Variants in MAMDC2 observed in about 807,000 individuals in gnomAD.
MAMDC2 encodes MAM domain-containing protein 2.
Under a neutral mutation model 89.8 loss-of-function variants are expected in MAMDC2, and 57 were observed. That is an observed-to-expected ratio of 0.63 (90% CI 0.51 to 0.79). The LOEUF is 0.79. Among genes scored for constraint, MAMDC2 ranks in the 30% least tolerant of loss-of-function variants. The pLI, the probability that MAMDC2 is intolerant of heterozygous loss-of-function variation, is 0.00. For missense variants in MAMDC2, 800 were observed against 820.6 expected (o/e 0.97, Z 0.31); for synonymous variants, 313 against 293.4 (o/e 1.07, Z -0.68).
At chr9:70,110,692 G>A (rs942804917) in intron 4 of MAMDC2, among the ~76,000 whole-genome samples, 4 of 152,166 alleles carry the variant, frequency 2.6e-5, no homozygotes, top group African/African-American at 7.2e-5. Context: ...CAGCCAGCAG[G>A]GGAGAAGTGT....
intron 11 of MAMDC2, among the ~76,000 whole-genome samples, chr9:70,183,662 G>A (rs943295388): frequency 2.6e-5 from 4 of 152,054 alleles, no homozygotes; most frequent in African/African-American, 9.7e-5. Flanking sequence ...GACTAGGATT[G>A]CAACCCTTGC....
intron 2 of MAMDC2, among the ~76,000 whole-genome samples, chr9:70,068,419 A>G (rs773912933): frequency 3.9e-5 from 6 of 152,004 alleles, no homozygotes; most frequent in Non-Finnish European, 1.5e-5. Flanking sequence ...TCTTCAAAAG[A>G]CTAAAAGCCA....
chr9:70,215,339 A>G (rs546955762), intron 11 of MAMDC2, among the ~76,000 whole-genome samples: 156 of 152,342 alleles, frequency 1.0e-3, no homozygotes, highest in African/African-American at 3.3e-3. Context: ...ACTGCAGAAC[A>G]CTGACAGGTT....
chr9:70,099,571 T>C (rs1284332341), intron 2 of MAMDC2, among the ~76,000 whole-genome samples: 1 of 152,062 alleles, frequency 6.6e-6, no homozygotes, highest in Non-Finnish European at 1.5e-5. Flanking sequence ...GAGATGACTG[T>C]CATAGCATAA....
At chr9:70,203,258 C>CCT (rs2118639052) in intron 11 of MAMDC2, among the ~76,000 whole-genome samples, 1 of 152,196 alleles carries the variant, frequency 6.6e-6, no homozygotes, top group East Asian at 1.9e-4. Flanking sequence ...CTGATGGTGA[C>CCT]AAAATCGGTC....
At chr9:70,072,038 C>T (rs778027165) in intron 2 of MAMDC2, among the ~76,000 whole-genome samples, 1 of 152,022 alleles carries the variant, frequency 6.6e-6, no homozygotes, top group South Asian at 2.1e-4. Context: ...AGTATTAAAA[C>T]CTTATCGAGT....
rs1294900036 is a variant in MAMDC2 at position 70,126,231 on chromosome 9, C to T, written c.716C>T (p.Thr239Ile). 1.2e-6 allele frequency: 2 copies of T among 1,614,080 alleles called. No homozygotes were observed. Among genetic ancestry groups the T allele is most frequent in the South Asian group, 1.1e-5 (1 of 91,070 alleles). ...GTGGCACAGCTCATCTCCCCGTTGA[C>T]CACGGCCCCCATGGCTGGCTGCCTG... is the stretch of plus-strand genomic sequence containing the variant. ...QEVAQLISPL[T>I]TAPMAGCLSF... The change falls in exon 6 of 14, where the codon ACC (threonine) becomes ATC (isoleucine). Residue 239 changes from threonine (T) to isoleucine (I), a missense_variant. By Grantham distance (89) the Thr-to-Ile change is moderately conservative. Coordinates refer to ENST00000377182, the MANE Select transcript of MAMDC2 (RefSeq NM_153267.5).
At chr9:70,077,812 T>G (rs1456340428) in intron 2 of MAMDC2, among the ~76,000 whole-genome samples, 1 of 152,204 alleles carries the variant, frequency 6.6e-6, no homozygotes, top group Non-Finnish European at 1.5e-5. Context: ...AAGCCTTTCT[T>G]GACTGTGTTG....
At chr9:70,214,561 A>G (rs1390364153) in intron 11 of MAMDC2, among the ~76,000 whole-genome samples, 2 of 152,230 alleles carry the variant, frequency 1.3e-5, no homozygotes, top group Non-Finnish European at 2.9e-5. Context: ...AAGGTTTTAA[A>G]TGAGTGGTAT....
At chr9:70,181,765 T>TG (rs1488772948) in intron 11 of MAMDC2, among the ~76,000 whole-genome samples, 1 of 152,130 alleles carries the variant, frequency 6.6e-6, no homozygotes, top group Non-Finnish European at 1.5e-5. Flanking sequence ...GCTGAGACAA[T>TG]GGGGTTTTCT....
chr9:70,204,720 T>A (rs979198726), intron 11 of MAMDC2, among the ~76,000 whole-genome samples: 1 of 151,766 alleles, frequency 6.6e-6, no homozygotes, highest in African/African-American at 2.4e-5. Context: ...TCCGTGGGCG[T>A]AGGACCCTCC....
chr9:70,059,647 T>C (rs1160151097), intron 2 of MAMDC2, among the ~76,000 whole-genome samples: 1 of 152,172 alleles, frequency 6.6e-6, no homozygotes, highest in Non-Finnish European at 1.5e-5. Context: ...AAAGTACAGG[T>C]AGAGAGAAAG....
intron 2 of MAMDC2, among the ~76,000 whole-genome samples, chr9:70,095,177 G>C (rs1052846078): frequency 4.6e-5 from 7 of 152,134 alleles, no homozygotes; most frequent in African/African-American, 1.7e-4. Context: ...TGCAGAAAAG[G>C]GTGTGGTTAA....
chr9:70,193,086 A>AAGAT (rs1227967601), intron 11 of MAMDC2, among the ~76,000 whole-genome samples: 1 of 152,066 alleles, frequency 6.6e-6, no homozygotes, highest in African/African-American at 2.4e-5. Context: ...AGTAAGTACA[A>AAGAT]AGATAGGCCT....
intron 2 of MAMDC2, among the ~76,000 whole-genome samples, chr9:70,059,554 G>A (rs1471591616): frequency 2.0e-5 from 3 of 152,086 alleles, no homozygotes; most frequent in Non-Finnish European, 4.4e-5. Context: ...CCTAGAACAA[G>A]TTCTTTCCTC....
chr9:70,191,518 C>T (rs1366414757), intron 11 of MAMDC2, among the ~76,000 whole-genome samples: 1 of 150,890 alleles, frequency 6.6e-6, no homozygotes, highest in African/African-American at 2.4e-5. Context: ...TTGATAATAT[C>T]AGGTGAATTT....
intron 12 of MAMDC2, among the ~76,000 whole-genome samples, chr9:70,223,202 A>AT (rs373890981): frequency 1.3e-5 from 2 of 151,452 alleles, no homozygotes; most frequent in Non-Finnish European, 2.9e-5. Context: ...GCCCATAGTA[A>AT]TTTTTTCTTG....
intron 7 of MAMDC2, among the ~76,000 whole-genome samples, chr9:70,136,487 T>G (rs2031016374): frequency 6.6e-6 from 1 of 152,220 alleles, no homozygotes; most frequent in Non-Finnish European, 1.5e-5. Context: ...TGCTTATGAA[T>G]AAAACTTCTG....
chr9:70,047,686 T>C (rs1187054830), intron 2 of MAMDC2, among the ~76,000 whole-genome samples: 2 of 152,210 alleles, frequency 1.3e-5, no homozygotes, highest in Admixed American at 1.3e-4. Context: ...ACTTCTTATA[T>C]GTCCATGGTC....
Sources: allele counts gnomAD v4.1 joint callset (sites outside exome capture counted in the v4.1 genomes callset), GRCh38; gene constraint gnomAD v4.1.1; transcripts MANE v1.5; gene names NCBI Gene and HGNC (gene_info 2026-07-23, HGNC 2026-07-21).